RIPOR3: variants seen among roughly 807,000 people sequenced by gnomAD.
RIPOR3 encodes family with sequence similarity 65 member C.
RIPOR3 carries 95 observed loss-of-function variants against 114.3 expected under a neutral mutation model. The ratio of observed to expected loss-of-function variants is 0.83; its 90% CI spans 0.70 to 0.99. The LOEUF (loss-of-function observed/expected upper bound fraction) is 0.99. Ranked by LOEUF, RIPOR3 falls within the 50% of genes least tolerant of loss-of-function variation. RIPOR3 has a pLI of 0.00. For synonymous variants in RIPOR3, 575 were observed against 543.8 expected, an observed-to-expected ratio of 1.06 and a Z score of -0.80; for missense variants, 1,252 against 1,266.9, an observed-to-expected ratio of 0.99 and a Z score of 0.18.
rs73272564 is a variant in RIPOR3, at chr20:50,608,986, C to T, written c.641-31G>A. ...ACACAGACATGGCCGGTCTCCCCTC[C>T]GCCTTCCACTCTCCCTGACCTGGGA... On this transcript the variant is annotated intron_variant, in intron 8 of 21. Transcript: ENST00000327979. 6.8e-4 allele frequency: 1,053 copies of T among 1,557,634 alleles called. 7 individuals carry two copies. In the African/African-American group the frequency reaches 0.012, roughly 18 times the overall value.
rs543799111 is a variant in RIPOR3, at chr20:50,624,250, G to A, written c.123-4118C>T. On this transcript the variant is annotated intron_variant, in intron 2 of 21. Coordinates refer to ENST00000327979, the MANE Select transcript of RIPOR3 (RefSeq NM_001290268.2). ...ACCCACCTCTTGAACCGGGCCCTCC[G>A]CAAGTTTGCCATCTTGAGGCTGGCA... Among the ~76,000 whole-genome samples, 13 of 152,276 alleles carry A rather than the reference G, an allele frequency of 8.5e-5. No homozygotes were observed. The South Asian group carries it at 2.1e-3, about 24-fold the overall frequency.
chr20:50,654,617 G>A (rs951034070), intron 1 of RIPOR3, among the ~76,000 whole-genome samples: 6 of 152,058 alleles, frequency 3.9e-5, no homozygotes, highest in East Asian at 1.9e-4. Context: ...ATCCATGAAC[G>A]AATGAATGAA....
At position 50,587,842 on chromosome 20, in the gene RIPOR3, C is replaced by T. The variant is rs755735641; in HGVS notation, c.2712G>A (p.Glu904=). 6 of 1,614,214 alleles carry T rather than the reference C, an allele frequency of 3.7e-6. No homozygotes were observed. Among genetic ancestry groups the T allele is most frequent in the Non-Finnish European group, 8.5e-7 (1 of 1,180,048 alleles). ...TTTCCCGGGCTGCCGCCCGCACGGC[C>T]TCCAGGTCAGACTGGCACAGGCTGG... The part of the protein sequence containing the change: ...QTASLCQSDL[E]AVRAAARETT... Residue 904 remains glutamate (E), a synonymous_variant, in exon 21 of 22, where the codon GAG becomes GAA. Coordinates refer to ENST00000327979, the MANE Select transcript of RIPOR3 (RefSeq NM_001290268.2).
In RIPOR3 at chr20:50,691,162, C is replaced by T. The variant is rs923099162; in HGVS notation, c.-34G>A. The T allele has an allele frequency of 1.6e-6, 2 of 1,289,312 alleles. No individual in the cohort carries two copies. The highest frequency in any genetic ancestry group is 1.5e-5 in the African/African-American group (1 of 65,878). The allele number at this position is 1,289,312 out of a possible 1,614,324, so 79.9% of individuals were successfully genotyped here. Reference sequence around the variant, plus strand: ...TCTGGACACTCGAGTGCAGTCCCGCCGCCCTCCTTGCAGCTGCCTCACTTT... The same window carrying T: ...TCTGGACACTCGAGTGCAGTCCCGCTGCCCTCCTTGCAGCTGCCTCACTTT... On this transcript the variant is annotated 5_prime_UTR_variant, in exon 1 of 22. Coordinates refer to ENST00000327979, the MANE Select transcript of RIPOR3 (RefSeq NM_001290268.2).
chr20:50,639,799 G>A (rs2085123648), intron 1 of RIPOR3, among the ~76,000 whole-genome samples: 1 of 152,156 alleles, frequency 6.6e-6, no homozygotes, highest in African/African-American at 2.4e-5. Flanking sequence ...GGGACACGCA[G>A]AGTGGGGCTC....
chr20:50,610,205 G>A (rs1227457283), intron 6 of RIPOR3, among the ~76,000 whole-genome samples: 5 of 149,676 alleles, frequency 3.3e-5, no homozygotes, highest in African/African-American at 1.2e-4. Flanking sequence ...TGCCACCCCT[G>A]CCAACCCTGT....
chr20:50,678,146 C>T (rs755611254), intron 1 of RIPOR3, among the ~76,000 whole-genome samples: 42 of 152,274 alleles, frequency 2.8e-4, no homozygotes, highest in East Asian at 1.5e-3. Context: ...GGTGCTAAAC[C>T]GGTGGCTGAT....
chr20:50,673,399 G>A (rs913861834), intron 1 of RIPOR3, among the ~76,000 whole-genome samples: 2 of 152,110 alleles, frequency 1.3e-5, no homozygotes, highest in African/African-American at 2.4e-5. Flanking sequence ...CCACGTGGCC[G>A]GTTCCTACAC....
chr20:50,631,245 GT>G (rs2084809849), intron 1 of RIPOR3, among the ~76,000 whole-genome samples: 1 of 152,170 alleles, frequency 6.6e-6, no homozygotes, highest in Admixed American at 6.5e-5. Context: ...GGCAGGCCAA[GT>G]CCCCCCATCC....
rs1227841661 is a variant in RIPOR3, at chr20:50,686,393, G to T, written c.3+4733C>A. ...TCTTAACAGGGGTGGCCCAGGGTGA[G>T]TATAGGAGCTACTGAGGTTTAAACT... On this transcript the variant is annotated intron_variant, in intron 1 of 21. Coordinates refer to ENST00000327979, the MANE Select transcript of RIPOR3 (RefSeq NM_001290268.2). Among the ~76,000 whole-genome samples the T allele has an allele frequency of 2.6e-5, 4 of 152,110 alleles. No homozygotes were observed. In the East Asian group the frequency reaches 7.7e-4, roughly 29 times the overall value.
At chr20:50,679,921 C>T (rs1419120841) in intron 1 of RIPOR3, among the ~76,000 whole-genome samples, 2 of 152,162 alleles carry the variant, frequency 1.3e-5, no homozygotes, top group African/African-American at 4.8e-5. Flanking sequence ...CACACCACTG[C>T]GCTCCAGCCT....
intron 14 of RIPOR3, 86 bp from the exon 15 acceptor site, chr20:50,596,349 C>A: frequency 6.3e-7 from 1 of 1,579,566 alleles, no homozygotes; most frequent in Admixed American, 1.7e-5. Context: ...TCCCAGCGAG[C>A]CCCAGGTCAG....
At chr20:50,609,016 A>G in intron 8 of RIPOR3, 61 bp from the exon 9 acceptor site, 2 of 1,549,078 alleles carry the variant, frequency 1.3e-6, no homozygotes, top group Admixed American at 3.9e-5. Flanking sequence ...CTGGGACCAC[A>G]GGTCCTCTCT....
intron 1 of RIPOR3, among the ~76,000 whole-genome samples, chr20:50,657,932 A>T (rs1227750700): frequency 6.6e-6 from 1 of 150,464 alleles, no homozygotes; most frequent in Admixed American, 6.6e-5. Context: ...ATTTTTTTTT[A>T]TTTTTATTTT....
Position 50,589,569 on chromosome 20 carries a change from T to C in RIPOR3, c.2661+117A>G. The C allele has an allele frequency of 3.7e-6, 4 of 1,082,588 alleles. No homozygotes were observed. In the South Asian group the frequency reaches 4.1e-5, roughly 11 times the overall value. 67.1% of individuals were successfully genotyped at this position (1,082,588 alleles called of 1,614,324 possible). A position where few individuals can be genotyped will look rare whatever the true frequency, so the allele number is the denominator to read the frequency against. On this transcript the variant is annotated intron_variant, in intron 20 of 21. Transcript: ENST00000327979. Reference sequence around the variant, plus strand: ...CCTTGGCCTCCCAAAGTGCTGAGATTACAGGCGTGAGCCATCACGCCCAGC... The same window carrying C: ...CCTTGGCCTCCCAAAGTGCTGAGATCACAGGCGTGAGCCATCACGCCCAGC...
chr20:50,595,693 C>T (rs544297608), intron 15 of RIPOR3, among the ~76,000 whole-genome samples, 189 bp from the exon 16 acceptor site: 1 of 152,214 alleles, frequency 6.6e-6, no homozygotes, highest in South Asian at 2.1e-4. Flanking sequence ...CTGCCAGGGA[C>T]CACCTTTGCC....
chr20:50,627,017 G>GAAAA (rs1193955700), intron 2 of RIPOR3, among the ~76,000 whole-genome samples: 14 of 123,046 alleles, frequency 1.1e-4, no homozygotes, highest in African/African-American at 3.4e-4. Flanking sequence ...TCCGTCTCAA[G>GAAAA]AAAAAAAAAA....
rs752760847 is a variant in RIPOR3 at position 50,602,125 on chromosome 20, G to A, written c.1606C>T (p.Pro536Ser). 6.2e-7 allele frequency: 1 copy of A among 1,608,582 alleles called. No homozygotes were observed. Among genetic ancestry groups the A allele is most frequent in the Non-Finnish European group, 8.5e-7 (1 of 1,177,528 alleles). ...ELLRPTDSTQ[P>S]QLRELEYQVL... ...TGGTACTCCAGCTCCCGGAGCTGGG[G>A]CTGGGTGGAGTCCGTGGGCCTCAGC... The change falls in exon 13 of 22, where the codon CCC becomes TCC. Residue 536 changes from proline (P) to serine (S), a missense_variant. Pro to Ser is a moderately conservative substitution (Grantham distance 74, BLOSUM62 -1). Transcript: ENST00000327979. This position sits in a 1 kb window ranked among gnomAD's most constrained non-coding sequence, Gnocchi z 4.3.
At chr20:50,655,003 C>T (rs568884167) in intron 1 of RIPOR3, among the ~76,000 whole-genome samples, 1 of 152,338 alleles carries the variant, frequency 6.6e-6, no homozygotes, top group African/African-American at 2.4e-5. Context: ...CCCAACTAGG[C>T]CCCCCAGAGT....
Sources: gnomAD v4.1 joint callset for allele counts (sites outside exome capture counted in the v4.1 genomes callset) on GRCh38, gnomAD v4.1.1 for gene constraint, Gnocchi (gnomAD v3.1) non-coding constraint, MANE v1.5 for transcripts, NCBI Gene and HGNC (gene_info 2026-07-23, HGNC 2026-07-21) for gene names.